The following CENPE variants were observed in gnomAD, a reference collection of about 807,000 sequenced individuals.
CENPE encodes centromere protein E.
A neutral mutation model predicts 336.1 loss-of-function variants in CENPE; 145 were observed. That is an observed-to-expected ratio of 0.43 (90% CI 0.38 to 0.50). CENPE has a LOEUF of 0.50. Among genes scored for constraint, CENPE ranks in the 20% least tolerant of loss-of-function variants. The pLI is 0.00. For synonymous variants in CENPE, 1,013 were observed against 984.8 expected, an observed-to-expected ratio of 1.03 and a Z score of -0.54; for missense variants, 2,719 against 3,023.3, an observed-to-expected ratio of 0.90 and a Z score of 2.36.
intron 48 of CENPE, among the ~76,000 whole-genome samples, chr4:103,108,372 A>G (rs147944403): frequency 6.6e-6 from 1 of 152,204 alleles, no homozygotes; most frequent in East Asian, 1.9e-4. Context: ...AACACATAGT[A>G]GGGGCTCAAA....
chr4:103,151,469 T>C (rs1753566552), intron 25 of CENPE, 92 bp from the exon 26 acceptor site: 1 of 960,904 alleles, frequency 1.0e-6, no homozygotes, highest in Non-Finnish European at 1.5e-6. Context: ...AGTCTGCAAA[T>C]GAAGAAATCA....
At chr4:103,175,183 TCTAA>T (rs1755753622) in intron 15 of CENPE, among the ~76,000 whole-genome samples, 1 of 152,000 alleles carries the variant, frequency 6.6e-6, no homozygotes, top group South Asian at 2.1e-4. Context: ...AATTCCCCAA[TCTAA>T]CTAACTCTTA....
In CENPE at chr4:103,180,295, C is replaced by T. The variant is rs1430085443; in HGVS notation, c.1242+16G>A. ...TCTCTGTACATCAAGTTTAAGCTGT[C>T]ATCTTTTAATTTTACCTTTAATTCC... On this transcript the variant is annotated intron_variant, in intron 13 of 48. Transcript: ENST00000265148. 4.4e-6 allele frequency: 7 copies of T among 1,604,300 alleles called. No homozygotes were observed. Among genetic ancestry groups the T allele is most frequent in the Admixed American group, 1.7e-5 (1 of 59,110 alleles).
Position 103,140,241 on chromosome 4 carries a change from C to CA in CENPE, c.5913+14dup, listed in dbSNP as rs375613232. On this transcript the variant is annotated intron_variant, in intron 37 of 48. Coordinates refer to ENST00000265148, the MANE Select transcript of CENPE (RefSeq NM_001813.3). ...GGCACAGTTACTTCCAAAAGAAGAA[C>CA]AAAACAACACATACCTTTTTCTGTA... is the stretch of plus-strand genomic sequence containing the variant. 6.1e-4 allele frequency: 954 copies of CA among 1,574,500 alleles called. 9 individuals carry two copies. The African/African-American group carries it at 0.012, about 20-fold the overall frequency.
At chr4:103,111,340 T>C (rs1218502569) in intron 46 of CENPE, among the ~76,000 whole-genome samples, 2 of 152,204 alleles carry the variant, frequency 1.3e-5, no homozygotes, top group Non-Finnish European at 2.9e-5. Context: ...CTACATCAGT[T>C]TTCCCCTGAA....
At chr4:103,116,155 A>C (rs1750091410) in intron 45 of CENPE, among the ~76,000 whole-genome samples, 1 of 152,160 alleles carries the variant, frequency 6.6e-6, no homozygotes. Context: ...CTAGGGAACT[A>C]TAAACTAAAA....
chr4:103,174,333 A>G (rs1755672199), intron 16 of CENPE, among the ~76,000 whole-genome samples: 1 of 151,940 alleles, frequency 6.6e-6, no homozygotes, highest in African/African-American at 2.4e-5. Context: ...TGGTTATTGG[A>G]GGCTGGGGTG....
rs1752853983 is a variant in CENPE at position 103,144,573 on chromosome 4, C to G, written c.4903G>C (p.Ala1635Pro). ...ATTTTCTCCTGAGTCTCATTGACAG[C>G]TGTCATCTTAAGAAACTGATATTCT... is the stretch of plus-strand genomic sequence containing the variant. ...EKEYQFLKMT[A>P]VNETQEKMCE... The change falls in exon 33 of 49, where the codon GCT becomes CCT. Residue 1635 changes from alanine (A) to proline (P), a missense_variant. This residue lies in a region of CENPE where 2,437 missense variants were observed against 2,513.3 expected (regional missense o/e 0.97). Transcript: ENST00000265148. 1 of 1,612,252 alleles carries G rather than the reference C, an allele frequency of 6.2e-7. No individual in the cohort carries two copies. The highest frequency in any genetic ancestry group is 1.7e-5 in the Admixed American group (1 of 59,908).
At chr4:103,143,182 T>C in intron 34 of CENPE, 66 bp downstream of exon 34, 1 of 1,152,410 alleles carries the variant, frequency 8.7e-7, no homozygotes, top group Non-Finnish European at 1.2e-6. Flanking sequence ...AATTCATATC[T>C]TGTTTCATTA....
chr4:103,127,970 A>G (rs1751270991), intron 42 of CENPE, among the ~76,000 whole-genome samples: 1 of 152,188 alleles, frequency 6.6e-6, no homozygotes, highest in Non-Finnish European at 1.5e-5. Flanking sequence ...CACCAATTAA[A>G]AGACCGACTG....
Position 103,114,454 on chromosome 4 carries a change from C to T in CENPE, c.7540+1G>A. On this transcript the variant is annotated splice_donor_variant, in intron 46 of 48. Transcript: ENST00000265148. LOFTEE classifies it high-confidence loss of function. Reference sequence around the variant, plus strand: ...TGAAAATATCTGCATTTTCTACTTACCTGAGGTATCTTGGGCCTGTTGACT... The same window carrying T: ...TGAAAATATCTGCATTTTCTACTTATCTGAGGTATCTTGGGCCTGTTGACT... The T allele has an allele frequency of 2.6e-6, 4 of 1,565,526 alleles. No homozygotes were observed. Among genetic ancestry groups the T allele is most frequent in the Non-Finnish European group, 2.6e-6 (3 of 1,137,060 alleles).
chr4:103,196,957 A>C (rs1186250146), intron 1 of CENPE, 107 bp from the exon 2 acceptor site: 2 of 670,776 alleles, frequency 3.0e-6, no homozygotes, highest in Non-Finnish European at 2.7e-6. Flanking sequence ...AGATAGTAAC[A>C]TAAGAGAATG....
rs113323715 is a variant in CENPE, at chr4:103,160,562, G to A, written c.2286+63C>T. The A allele has an allele frequency of 8.2e-5, 111 of 1,353,674 alleles. No homozygotes were observed. The African/African-American group carries it at 1.0e-3, about 13-fold the overall frequency. The allele number at this position is 1,353,674 out of a possible 1,614,324, so 83.9% of individuals were successfully genotyped here. On this transcript the variant is annotated intron_variant, in intron 21 of 48. Coordinates refer to ENST00000265148, the MANE Select transcript of CENPE (RefSeq NM_001813.3). ...AAATAAACTATACCAAAATATTTAA[G>A]GCACTATTATCGCAAAGGTTTTTAT... is the stretch of plus-strand genomic sequence containing the variant.
chr4:103,121,975 G>A (rs546425170), intron 43 of CENPE, among the ~76,000 whole-genome samples: 1 of 152,070 alleles, frequency 6.6e-6, no homozygotes, highest in African/African-American at 2.4e-5. Flanking sequence ...TGCTCTACTT[G>A]TCCATTTTTG....
chr4:103,152,591 A>G (rs1198616467), intron 25 of CENPE, among the ~76,000 whole-genome samples: 1 of 152,220 alleles, frequency 6.6e-6, no homozygotes, highest in Non-Finnish European at 1.5e-5. Context: ...GTTTTATTCA[A>G]AATAGCCAAA....
Position 103,161,434 on chromosome 4 carries a change from T to C in CENPE, c.1866A>G (p.Gln622=). ...YSLESIEDPK[Q]MKQTLFDAET... The stretch of plus-strand genomic sequence containing the variant: ...CAGCATCAAACAGAGTCTGCTTCAT[T>C]TGTTTTGGGTCTTCAATGCTTTCCT... Residue 622 remains glutamine (Q), a synonymous_variant, in exon 19 of 49, where the codon CAA becomes CAG. Coordinates refer to ENST00000265148, the MANE Select transcript of CENPE (RefSeq NM_001813.3). The C allele has an allele frequency of 6.2e-7, 1 of 1,610,950 alleles. No homozygotes were observed. Among genetic ancestry groups the C allele is most frequent in the Non-Finnish European group, 8.5e-7 (1 of 1,178,796 alleles).
At position 103,132,788 on chromosome 4, in the gene CENPE, T is replaced by G. The variant is rs768578806; in HGVS notation, c.6829A>C (p.Asn2277His). ...EMTQFLEEWL[N>H]TRFDIEKLKN... ...AGCTTTTCTATATCAAAACGAGTAT[T>G]TAACCACTCTTCCAAAAACTGTGTC... The change falls in exon 42 of 49, where the codon AAT (asparagine) becomes CAT (histidine). Residue 2277 changes from asparagine (N) to histidine (H), a missense_variant. Physicochemically the swap from Asn to His is moderately conservative, Grantham distance 68. Transcript: ENST00000265148. 1.3e-6 allele frequency: 2 copies of G among 1,578,140 alleles called. No homozygotes were observed. Among genetic ancestry groups the G allele is most frequent in the Non-Finnish European group, 1.7e-6 (2 of 1,153,172 alleles).
intron 42 of CENPE, among the ~76,000 whole-genome samples, chr4:103,132,450 G>A (rs1026182443): frequency 6.6e-6 from 1 of 152,066 alleles, no homozygotes; most frequent in African/African-American, 2.4e-5. Context: ...GAGGACAATA[G>A]TAAGAGGATT....
intron 31 of CENPE, 47 bp downstream of exon 31, chr4:103,145,476 T>C: frequency 6.5e-7 from 1 of 1,542,392 alleles, no homozygotes; most frequent in Non-Finnish European, 8.8e-7. Context: ...AGTTAGCTAC[T>C]CCAAACCCAC....
Sources: allele counts gnomAD v4.1 joint callset (sites outside exome capture counted in the v4.1 genomes callset), GRCh38; gene constraint gnomAD v4.1.1; regional missense constraint gnomAD v4.1.1; transcripts MANE v1.5; gene names NCBI Gene and HGNC (gene_info 2026-07-23, HGNC 2026-07-21).